The following WWOX variants were observed in gnomAD, a reference collection of about 807,000 sequenced individuals.
The protein encoded by WWOX is WW domain containing oxidoreductase, also known as WW domain-containing oxidoreductase.
WWOX carries 69 observed loss-of-function variants against 46.2 expected under a neutral mutation model. The ratio of observed to expected loss-of-function variants is 1.49; its 90% CI spans 1.23 to 1.82. The LOEUF (loss-of-function observed/expected upper bound fraction) is 1.82, where lower values mean the gene tolerates loss of function less well. Ranked by LOEUF, WWOX falls within the 40% of genes most tolerant of loss-of-function variation. The probability of loss-of-function intolerance (pLI) is 0.00; values close to 1 mark genes in which losing one functional copy is unlikely to be tolerated. For missense variants in WWOX, 919 were observed against 542.6 expected (o/e 1.69, Z -6.89); for synonymous variants, 359 against 202.6 (o/e 1.77, Z -6.56).
At chr16:78,901,574 G>C (rs745344205) in intron 8 of WWOX, among the ~76,000 whole-genome samples, 6 of 152,160 alleles carry the variant, frequency 3.9e-5, no homozygotes, top group Admixed American at 2.0e-4. Flanking sequence ...TGCAGCCTGT[G>C]CTTCCCAGAC....
intron 8 of WWOX, among the ~76,000 whole-genome samples, chr16:78,750,539 G>C (rs538219066): frequency 1.3e-5 from 2 of 151,920 alleles, no homozygotes; most frequent in African/African-American, 2.4e-5. Context: ...CTGTTACATG[G>C]ATATCTTGCA....
intron 6 of WWOX, among the ~76,000 whole-genome samples, chr16:78,387,386 G>C (rs149172055): frequency 4.9e-4 from 74 of 152,292 alleles, no homozygotes; most frequent in African/African-American, 1.6e-3. Context: ...TAAAGCCTTC[G>C]ATGATTTGAT....
chr16:78,260,664 T>C (rs1473659130), intron 5 of WWOX, among the ~76,000 whole-genome samples: 1 of 146,750 alleles, frequency 6.8e-6, no homozygotes, highest in Non-Finnish European at 1.5e-5. Context: ...CTATACTCCA[T>C]CTAAAAAAAA....
intron 8 of WWOX, among the ~76,000 whole-genome samples, chr16:78,774,316 G>A (rs973472225): frequency 6.6e-6 from 1 of 152,122 alleles, no homozygotes; most frequent in Non-Finnish European, 1.5e-5. Flanking sequence ...AAGGAGAATC[G>A]CTTGAATCAG....
intron 5 of WWOX, among the ~76,000 whole-genome samples, chr16:78,213,082 A>G (rs913163453): frequency 1.3e-5 from 2 of 151,702 alleles, no homozygotes; most frequent in Non-Finnish European, 2.9e-5. Context: ...GTGAAACTCC[A>G]TGTCTACTAA....
chr16:78,500,473 G>C (rs1274320716), intron 8 of WWOX, among the ~76,000 whole-genome samples: 1 of 147,048 alleles, frequency 6.8e-6, no homozygotes, highest in African/African-American at 2.5e-5. Flanking sequence ...TTTTTAGATC[G>C]CTGCATGCTG....
chr16:78,253,509 A>G (rs2038040351), intron 5 of WWOX, among the ~76,000 whole-genome samples: 1 of 152,180 alleles, frequency 6.6e-6, no homozygotes, highest in Non-Finnish European at 1.5e-5. Flanking sequence ...GAACTGGATG[A>G]TGGAAGTCAT....
chr16:79,137,493 C>G (rs983837200), intron 8 of WWOX, among the ~76,000 whole-genome samples: 1 of 152,144 alleles, frequency 6.6e-6, no homozygotes, highest in African/African-American at 2.4e-5. Flanking sequence ...AGGTAGTTTC[C>G]TTTCTCTCAC....
intron 8 of WWOX, among the ~76,000 whole-genome samples, chr16:79,092,576 C>G (rs376933160): frequency 6.6e-6 from 1 of 152,274 alleles, no homozygotes; most frequent in East Asian, 1.9e-4. Flanking sequence ...AGCCACGTTC[C>G]TTGTTTTGTG....
chr16:78,558,816 T>A (rs1327282922), intron 8 of WWOX, among the ~76,000 whole-genome samples: 1 of 152,206 alleles, frequency 6.6e-6, no homozygotes, highest in Non-Finnish European at 1.5e-5. Flanking sequence ...CCAAACCAAG[T>A]GGCTCTTTCG....
intron 8 of WWOX, among the ~76,000 whole-genome samples, chr16:78,707,419 C>T (rs78023215): frequency 0.013 from 2,004 of 152,292 alleles, 47 homozygotes; most frequent in African/African-American, 0.047. Flanking sequence ...CCTTTTTATG[C>T]ACAAGCATCA....
intron 8 of WWOX, among the ~76,000 whole-genome samples, chr16:78,444,191 C>T (rs2083507679): frequency 6.6e-6 from 1 of 152,170 alleles, no homozygotes; most frequent in South Asian, 2.1e-4. Flanking sequence ...GTGCCGGGCT[C>T]TGTGGTCATG....
intron 8 of WWOX, among the ~76,000 whole-genome samples, chr16:78,910,697 G>C (rs1371894633): frequency 6.6e-6 from 1 of 151,862 alleles, no homozygotes; most frequent in Non-Finnish European, 1.5e-5. Flanking sequence ...ATGGTGGCAG[G>C]CAAGAGAACT....
intron 8 of WWOX, among the ~76,000 whole-genome samples, chr16:78,658,510 G>A (rs767223997): frequency 1.3e-5 from 2 of 152,144 alleles, no homozygotes; most frequent in Admixed American, 6.5e-5. Context: ...CCAGACACCT[G>A]ACATCGAGGT....
At chr16:78,765,858 GAC>G (rs1179033842) in intron 8 of WWOX, among the ~76,000 whole-genome samples, 2 of 152,204 alleles carry the variant, frequency 1.3e-5, no homozygotes, top group Non-Finnish European at 2.9e-5. Flanking sequence ...GAACAGAGAG[GAC>G]AGAGTGGGTG....
At position 79,049,370 on chromosome 16, in the gene WWOX, T is replaced by C. The variant is rs1207119625; in HGVS notation, c.1057-162238T>C. On this transcript the variant is annotated intron_variant, in intron 8 of 8. Coordinates refer to ENST00000566780, the MANE Select transcript of WWOX (RefSeq NM_016373.4). Reference sequence around the variant, plus strand: ...AACACAGGGGATTTATTCGGCACAATTGAGTAATGTGGATGAGGCTGCTCA... The same window carrying C: ...AACACAGGGGATTTATTCGGCACAACTGAGTAATGTGGATGAGGCTGCTCA... Among the ~76,000 whole-genome samples the C allele has an allele frequency of 4.6e-5, 7 of 152,136 alleles. No individual in the cohort carries two copies. In the East Asian group the frequency reaches 9.7e-4, roughly 21 times the overall value.
intron 5 of WWOX, among the ~76,000 whole-genome samples, chr16:78,254,991 A>T (rs1353309421): frequency 1.3e-5 from 2 of 152,200 alleles, no homozygotes; most frequent in Admixed American, 6.5e-5. Context: ...ACTGCTTAAG[A>T]GGCCTCACTT....
intron 5 of WWOX, among the ~76,000 whole-genome samples, chr16:78,336,124 A>G (rs2080882980): frequency 6.6e-6 from 1 of 151,826 alleles, no homozygotes; most frequent in African/African-American, 2.4e-5. Context: ...CCAAAAGACT[A>G]AATGTATAAA....
At chr16:78,961,031 C>A (rs142562642) in intron 8 of WWOX, among the ~76,000 whole-genome samples, 134 of 152,246 alleles carry the variant, frequency 8.8e-4, no homozygotes, top group African/African-American at 2.9e-3. Flanking sequence ...TAAAAGTAAT[C>A]AGCTCCATAC....
Sources: allele counts gnomAD v4.1 joint callset (sites outside exome capture counted in the v4.1 genomes callset), GRCh38; gene constraint gnomAD v4.1.1; transcripts MANE v1.5; gene names NCBI Gene and HGNC (gene_info 2026-07-23, HGNC 2026-07-21).